Variants in WDR49 observed in about 807,000 individuals in gnomAD.
WDR49 encodes the protein WD repeat domain 49.
A neutral mutation model predicts 119.5 loss-of-function variants in WDR49; 107 were observed. That is an observed-to-expected ratio of 0.90 (90% CI 0.77 to 1.05). The LOEUF is 1.05. WDR49 is among the 50% of genes least tolerant of loss of function. The probability of loss-of-function intolerance (pLI) is 0.00; values close to 1 mark genes in which losing one functional copy is unlikely to be tolerated. For synonymous variants in WDR49, 425 were observed against 418.8 expected, an observed-to-expected ratio of 1.01 and a Z score of -0.18; for missense variants, 1,240 against 1,220.5, an observed-to-expected ratio of 1.02 and a Z score of -0.24.
intron 2 of WDR49, among the ~76,000 whole-genome samples, chr3:167,635,225 T>C (rs912179025): frequency 6.6e-6 from 1 of 151,814 alleles, no homozygotes; most frequent in Non-Finnish European, 1.5e-5. Context: ...AGAATTTACA[T>C]GTCCTGAAAA....
chr3:167,492,629 TATG>T (rs1359188305), intron 18 of WDR49, among the ~76,000 whole-genome samples: 2 of 152,240 alleles, frequency 1.3e-5, no homozygotes, highest in East Asian at 1.9e-4. Flanking sequence ...ACAGAAACAT[TATG>T]ATGATAACTA....
rs185943553 is a variant in WDR49 at position 167,640,989 on chromosome 3, G to C, written c.165+12272C>G. On this transcript the variant is annotated intron_variant, in intron 2 of 18. Coordinates refer to ENST00000682715, the MANE Select transcript of WDR49 (RefSeq NM_001366157.1). ...CAAAAACCTTCGGTTGCATCTACTCGACTTGTAAATGCTTACTGAATGGAA... is the reference window on the plus strand; with the variant it reads ...CAAAAACCTTCGGTTGCATCTACTCCACTTGTAAATGCTTACTGAATGGAA... 2.6e-5 allele frequency among the ~76,000 whole-genome samples: 4 copies of C among 151,836 alleles called. No homozygotes were observed. In the East Asian group the frequency reaches 7.8e-4, roughly 29 times the overall value.
intron 8 of WDR49, among the ~76,000 whole-genome samples, chr3:167,564,670 C>T (rs1713481851): frequency 6.6e-6 from 1 of 152,152 alleles, no homozygotes; most frequent in African/African-American, 2.4e-5. Flanking sequence ...GACACATGGG[C>T]CTCCTCAGTA....
intron 2 of WDR49, among the ~76,000 whole-genome samples, chr3:167,648,364 C>G (rs1317955476): frequency 6.6e-6 from 1 of 152,112 alleles, no homozygotes; most frequent in African/African-American, 2.4e-5. Context: ...ATAGGACCGA[C>G]TATTAAAACA....
chr3:167,620,332 T>C, intron 5 of WDR49, 97 bp downstream of exon 5: 1 of 1,287,352 alleles, frequency 7.8e-7, no homozygotes. Context: ...TATTGGTTTC[T>C]AGACTTAAAG....
rs563852435 is a variant in WDR49 at position 167,520,855 on chromosome 3, T to G, written c.2774+1460A>C. Among the ~76,000 whole-genome samples, 20 of 152,192 alleles carry G rather than the reference T, an allele frequency of 1.3e-4. 1 individual carries two copies. The South Asian group carries it at 3.1e-3, about 24-fold the overall frequency. The stretch of plus-strand genomic sequence containing the variant: ...ATCACTTTAAGATATAAACAAAGGA[T>G]GCGGAAACTATAAGGGATGATTGCA... On this transcript the variant is annotated intron_variant, in intron 16 of 18. Transcript: ENST00000682715.
intron 18 of WDR49, among the ~76,000 whole-genome samples, chr3:167,479,959 G>A (rs773213003): frequency 6.6e-5 from 10 of 151,934 alleles, no homozygotes; most frequent in South Asian, 4.2e-4. Flanking sequence ...GGCCGGGCAC[G>A]GTGGCTCACG....
At chr3:167,544,522 G>A (rs1712046605) in intron 10 of WDR49, among the ~76,000 whole-genome samples, 1 of 152,090 alleles carries the variant, frequency 6.6e-6, no homozygotes, top group African/African-American at 2.4e-5. Context: ...ACAAAATAGA[G>A]AACCCAGAAA....
At chr3:167,637,207 A>G (rs1717662785) in intron 2 of WDR49, among the ~76,000 whole-genome samples, 1 of 151,866 alleles carries the variant, frequency 6.6e-6, no homozygotes, top group African/African-American at 2.4e-5. Flanking sequence ...ATTCTCCTAC[A>G]TGTGGCTTGC....
intron 5 of WDR49, among the ~76,000 whole-genome samples, chr3:167,606,621 A>T (rs1361067653): frequency 6.6e-6 from 1 of 152,198 alleles, no homozygotes; most frequent in African/African-American, 2.4e-5. Flanking sequence ...TACAAAGGAG[A>T]TGTTCAGAAA....
intron 10 of WDR49, among the ~76,000 whole-genome samples, chr3:167,550,910 T>C (rs1712520781): frequency 6.6e-6 from 1 of 151,898 alleles, no homozygotes; most frequent in South Asian, 2.1e-4. Context: ...TTTGAACAAA[T>C]GCAAAGTTAA....
chr3:167,627,110 C>T lies in WDR49; in HGVS notation c.348G>A (p.Glu116=). ...CAGTTGCCTTTGCTCGTTCATCTTG[C>T]TCATAAAGCTCTAGCAGTATAAATG... ...LTSFILLELY[E]QDERAKATVV... The change falls in exon 3 of 19, where the codon GAG becomes GAA. Residue 116 remains glutamate, a synonymous_variant. Coordinates refer to ENST00000682715, the MANE Select transcript of WDR49 (RefSeq NM_001366157.1). 1 of 1,274,314 alleles carries T rather than the reference C, an allele frequency of 7.8e-7. No individual in the cohort carries two copies. Among genetic ancestry groups the T allele is most frequent in the Non-Finnish European group, 9.9e-7 (1 of 1,010,096 alleles). The allele number at this position is 1,274,314 out of a possible 1,614,324, so 78.9% of individuals were successfully genotyped here.
chr3:167,608,112 T>C (rs1030317123), intron 5 of WDR49, among the ~76,000 whole-genome samples: 1 of 152,182 alleles, frequency 6.6e-6, no homozygotes, highest in Non-Finnish European at 1.5e-5. Context: ...ACTACTGTAC[T>C]AGAAGTTCCA....
intron 15 of WDR49, among the ~76,000 whole-genome samples, chr3:167,526,467 T>C (rs1191612978): frequency 1.3e-5 from 2 of 152,136 alleles, no homozygotes; most frequent in Non-Finnish European, 2.9e-5. Flanking sequence ...AGCAATGCTT[T>C]GGCTTCTTCA....
intron 18 of WDR49, among the ~76,000 whole-genome samples, chr3:167,484,148 C>A (rs993602951): frequency 6.6e-6 from 1 of 152,056 alleles, no homozygotes; most frequent in Admixed American, 6.6e-5. Flanking sequence ...GTTATGAAGT[C>A]AAATATTAAT....
chr3:167,505,818 T>C (rs547612601), intron 16 of WDR49, among the ~76,000 whole-genome samples: 1 of 152,338 alleles, frequency 6.6e-6, no homozygotes, highest in Non-Finnish European at 1.5e-5. Context: ...GCGTGTATCT[T>C]TATGGTTATG....
intron 2 of WDR49, chr3:167,633,594 A>T (rs1717475320): frequency 1.4e-5 from 6 of 428,860 alleles, no homozygotes; most frequent in South Asian, 1.0e-4. Context: ...AATCTAAAAA[A>T]TGAACTTGCG....
At chr3:167,638,734 A>G (rs1016204154) in intron 2 of WDR49, among the ~76,000 whole-genome samples, 4 of 151,716 alleles carry the variant, frequency 2.6e-5, no homozygotes, top group African/African-American at 9.6e-5. Flanking sequence ...TCTTGCTTCA[A>G]TAGATTTTAG....
intron 7 of WDR49, among the ~76,000 whole-genome samples, chr3:167,591,592 G>A (rs1487253186): frequency 6.6e-6 from 1 of 151,958 alleles, no homozygotes; most frequent in Non-Finnish European, 1.5e-5. Context: ...CCCGTTTTGG[G>A]TACACATATA....
Sources: allele counts gnomAD v4.1 joint callset (sites outside exome capture counted in the v4.1 genomes callset), GRCh38; gene constraint gnomAD v4.1.1; transcripts MANE v1.5; gene names NCBI Gene and HGNC (gene_info 2026-07-23, HGNC 2026-07-21).